The following RPRD2 variants were observed in gnomAD, a reference collection of about 807,000 sequenced individuals.
RPRD2 encodes regulation of nuclear pre-mRNA domain-containing protein 2.
RPRD2 carries 12 observed loss-of-function variants against 104.4 expected under a neutral mutation model. That is an observed-to-expected ratio of 0.11 (90% CI 0.07 to 0.19). The LOEUF (loss-of-function observed/expected upper bound fraction) is 0.19, where lower values mean the gene tolerates loss of function less well. Ranked by LOEUF, RPRD2 falls within the 10% of genes least tolerant of loss-of-function variation. RPRD2 has a pLI of 1.00. For missense variants in RPRD2, 1,543 were observed against 1,790.1 expected, an observed-to-expected ratio of 0.86 and a Z score of 2.49; for synonymous variants, 714 against 684.9, an observed-to-expected ratio of 1.04 and a Z score of -0.66.
chr1:150,456,131 CCT>C (rs782436346), intron 7 of RPRD2, among the ~76,000 whole-genome samples: 33 of 151,976 alleles, frequency 2.2e-4, no homozygotes, highest in Non-Finnish European at 4.1e-4. Context: ...AGGCCCAGCC[CCT>C]GTTTTTTAAA....
chr1:150,398,187 ATTTAT>A (rs71086507), intron 1 of RPRD2, among the ~76,000 whole-genome samples: 2 of 132,310 alleles, frequency 1.5e-5, no homozygotes, highest in East Asian at 4.5e-4. Context: ...GTGTTTTTAT[ATTTAT>A]TTTATTTTAT....
At chr1:150,447,964 G>A (rs1666902403) in intron 7 of RPRD2, among the ~76,000 whole-genome samples, 2 of 151,986 alleles carry the variant, frequency 1.3e-5, no homozygotes, top group South Asian at 4.1e-4. Flanking sequence ...ATACTCACCC[G>A]CCTTTCTCCT....
intron 9 of RPRD2, among the ~76,000 whole-genome samples, chr1:150,461,299 C>T (rs950088205): frequency 4.0e-5 from 6 of 151,796 alleles, no homozygotes; most frequent in Non-Finnish European, 8.8e-5. Context: ...AAGGAAACCA[C>T]TTGTGTTTAC....
intron 7 of RPRD2, 90 bp downstream of exon 7, chr1:150,446,491 T>C: frequency 8.8e-7 from 1 of 1,139,784 alleles, no homozygotes; most frequent in Non-Finnish European, 1.2e-6. Context: ...TGTTAGGATA[T>C]GCATTTTTAT....
chr1:150,414,663 T>TA (rs79343884), intron 1 of RPRD2, among the ~76,000 whole-genome samples: 81,215 of 151,314 alleles, frequency 0.54, 21,811 homozygotes, highest in East Asian at 0.74. Context: ...GAAATAACAT[T>TA]AAAAAAAAAT....
At chr1:150,454,372 C>CGAAA (rs1293225035) in intron 7 of RPRD2, among the ~76,000 whole-genome samples, 1 of 152,024 alleles carries the variant, frequency 6.6e-6, no homozygotes, top group Non-Finnish European at 1.5e-5. Flanking sequence ...CCATGCTTTC[C>CGAAA]CTCTGATAGT....
chr1:150,424,361 C>T lies in RPRD2; in HGVS notation c.335+6636C>T, dbSNP rs782610549. Among the ~76,000 whole-genome samples, 83 of 151,998 alleles carry T rather than the reference C, an allele frequency of 5.5e-4. 1 individual carries two copies. Among genetic ancestry groups the T allele is most frequent in the Admixed American group, 6.6e-4 (10 of 15,262 alleles). ...CTGGAGTGCAGCGGCACGATCTCGG[C>T]TCACTGCAACCTCCGCTTCCTGGGT... On this transcript the variant is annotated intron_variant, in intron 2 of 10. Transcript: ENST00000369068.
chr1:150,373,433 A>G (rs1471377240), intron 1 of RPRD2, among the ~76,000 whole-genome samples: 1 of 151,468 alleles, frequency 6.6e-6, no homozygotes, highest in African/African-American at 2.4e-5. Flanking sequence ...AGCGGAAGTG[A>G]TAAGTAATTT....
intron 1 of RPRD2, among the ~76,000 whole-genome samples, chr1:150,385,519 A>G (rs952387522): frequency 2.6e-5 from 4 of 152,218 alleles, no homozygotes; most frequent in African/African-American, 9.6e-5. Context: ...TTTAAGTATT[A>G]TCATTCTAGA....
intron 1 of RPRD2, among the ~76,000 whole-genome samples, chr1:150,412,207 A>G (rs1428091655): frequency 6.6e-6 from 1 of 152,228 alleles, no homozygotes; most frequent in Non-Finnish European, 1.5e-5. Context: ...CAAGTACACT[A>G]CAATGTGATA....
At chr1:150,390,283 C>T (rs958561659) in intron 1 of RPRD2, among the ~76,000 whole-genome samples, 5 of 152,194 alleles carry the variant, frequency 3.3e-5, no homozygotes, top group Admixed American at 2.0e-4. Flanking sequence ...CACCTGAGGT[C>T]AGGAGTTCCA....
intron 1 of RPRD2, among the ~76,000 whole-genome samples, chr1:150,385,782 A>C (rs943934834): frequency 6.6e-6 from 1 of 152,182 alleles, no homozygotes; most frequent in African/African-American, 2.4e-5. Context: ...AAATTGCTGA[A>C]CTTTTAATTT....
At chr1:150,431,412 G>A (rs587665267) in intron 2 of RPRD2, among the ~76,000 whole-genome samples, 49 of 148,548 alleles carry the variant, frequency 3.3e-4, no homozygotes, top group Non-Finnish European at 7.1e-4. Flanking sequence ...GTCAGTGGAT[G>A]AATGGATAAA....
chr1:150,395,366 TG>T (rs1364890884), intron 1 of RPRD2, among the ~76,000 whole-genome samples: 1 of 14,670 alleles, frequency 6.8e-5, no homozygotes, highest in Admixed American at 4.1e-4. Flanking sequence ...AGTATTCCAT[TG>T]TGTGTGTGTG....
intron 1 of RPRD2, among the ~76,000 whole-genome samples, chr1:150,376,159 T>G (rs1219662534): frequency 6.6e-6 from 1 of 152,228 alleles, no homozygotes; most frequent in Non-Finnish European, 1.5e-5. Context: ...AAATAGAGGC[T>G]CTTTGATGAA....
At chr1:150,369,441 ATTTTTTTT>A (rs58054758) in intron 1 of RPRD2, among the ~76,000 whole-genome samples, 4 of 57,526 alleles carry the variant, frequency 7.0e-5, no homozygotes, top group Non-Finnish European at 1.3e-4. Flanking sequence ...CACCTGGCTA[ATTTTTTTT>A]TTTTTTTTTT....
chr1:150,450,822 A>T lies in RPRD2; in HGVS notation c.870+4421A>T, dbSNP rs369338986. On this transcript the variant is annotated intron_variant, in intron 7 of 10. Coordinates refer to ENST00000369068, the MANE Select transcript of RPRD2 (RefSeq NM_015203.5). ...GATGGGGTTTCGCCATATTGGCCAG[A>T]CTGGTCTCAAACTCCTGACCTCAGG... Among the ~76,000 whole-genome samples the T allele has an allele frequency of 4.0e-5, 6 of 151,546 alleles. No individual in the cohort carries two copies. In the East Asian group the frequency reaches 6.0e-4, roughly 15 times the overall value.
At chr1:150,401,882 A>G (rs1553885491) in intron 1 of RPRD2, among the ~76,000 whole-genome samples, 1 of 151,040 alleles carries the variant, frequency 6.6e-6, no homozygotes, top group Non-Finnish European at 1.5e-5. Context: ...TGACCTCGTG[A>G]TCCGCCTGCC....
intron 1 of RPRD2, among the ~76,000 whole-genome samples, chr1:150,401,126 G>T (rs587708168): frequency 1.7e-4 from 26 of 152,118 alleles, no homozygotes; most frequent in African/African-American, 6.0e-4. Context: ...GCAGTGAGCC[G>T]AGATCACGCC....
Sources: allele counts gnomAD v4.1 joint callset (sites outside exome capture counted in the v4.1 genomes callset), GRCh38; gene constraint gnomAD v4.1.1; transcripts MANE v1.5; gene names NCBI Gene and HGNC (gene_info 2026-07-23, HGNC 2026-07-21).